The following ADK variants were observed in gnomAD, a reference collection of about 807,000 sequenced individuals.
The protein encoded by ADK is N6,N6-dimethyladenosine kinase.
In ADK, 24 loss-of-function variants were observed where a neutral mutation model predicts 44.7. That is an observed-to-expected ratio of 0.54 (90% CI 0.39 to 0.76). ADK has a LOEUF of 0.76. Ranked by LOEUF, ADK falls within the 30% of genes least tolerant of loss-of-function variation. ADK has a pLI of 0.00. For missense variants in ADK, 321 were observed against 425.1 expected (o/e 0.76, Z 2.15); for synonymous variants, 128 against 142.6 (o/e 0.90, Z 0.73).
At chr10:74,223,767 C>T (rs1395111189) in intron 2 of ADK, among the ~76,000 whole-genome samples, 1 of 152,008 alleles carries the variant, frequency 6.6e-6, no homozygotes, top group African/African-American at 2.4e-5. Flanking sequence ...CCTATGGTCA[C>T]TTAGCTAGTA....
intron 1 of ADK, among the ~76,000 whole-genome samples, chr10:74,187,257 G>C (rs1033855953): frequency 3.9e-5 from 6 of 151,918 alleles, no homozygotes; most frequent in African/African-American, 1.5e-4. Flanking sequence ...TATTATCACT[G>C]AATAATATTT....
intron 4 of ADK, among the ~76,000 whole-genome samples, chr10:74,362,400 T>G (rs547918161): frequency 6.6e-6 from 1 of 152,236 alleles, no homozygotes; most frequent in East Asian, 1.9e-4. Flanking sequence ...GATTTCTGGT[T>G]TTTTAAAAAA....
chr10:74,320,058 T>A (rs1335275466), intron 4 of ADK, among the ~76,000 whole-genome samples: 1 of 152,100 alleles, frequency 6.6e-6, no homozygotes, highest in Non-Finnish European at 1.5e-5. Flanking sequence ...TTTACCAGAG[T>A]TCTTTACTTC....
chr10:74,516,532 T>A (rs1759992934), intron 6 of ADK, among the ~76,000 whole-genome samples: 1 of 151,380 alleles, frequency 6.6e-6, no homozygotes, highest in Non-Finnish European at 1.5e-5. Context: ...TCTTTTCTTT[T>A]TTTTTTTTTG....
At chr10:74,467,248 TGAACAACATTTTAACACGTTGTTAC>T (rs1174521498) in intron 6 of ADK, among the ~76,000 whole-genome samples, 1 of 152,176 alleles carries the variant, frequency 6.6e-6, no homozygotes, top group Non-Finnish European at 1.5e-5. Context: ...TCTTACCTTT[TGAACAACATTTTAACACGTTGTTAC>T]TGGTGCAAGC....
intron 10 of ADK, among the ~76,000 whole-genome samples, chr10:74,699,832 C>A (rs1455818437): frequency 9.2e-5 from 14 of 152,160 alleles, no homozygotes; most frequent in Admixed American, 9.2e-4. Flanking sequence ...TAAAATTATA[C>A]TGAAATATTT....
intron 8 of ADK, among the ~76,000 whole-genome samples, chr10:74,591,312 A>G (rs1386499410): frequency 1.3e-5 from 2 of 152,200 alleles, no homozygotes; most frequent in Non-Finnish European, 2.9e-5. Context: ...TAATGATTAT[A>G]ATCACATACC....
At chr10:74,631,428 T>G (rs908239982) in intron 9 of ADK, among the ~76,000 whole-genome samples, 17 of 151,676 alleles carry the variant, frequency 1.1e-4, no homozygotes, top group East Asian at 9.7e-4. Context: ...GTTTTGTTTT[T>G]TTTTTTTTAG....
At chr10:74,262,323 A>C (rs913012432) in intron 3 of ADK, among the ~76,000 whole-genome samples, 5 of 151,884 alleles carry the variant, frequency 3.3e-5, no homozygotes, top group South Asian at 2.1e-4. Flanking sequence ...CAAAAAAAAA[A>C]AAAAAAACAA....
intron 10 of ADK, among the ~76,000 whole-genome samples, chr10:74,676,991 T>C (rs1233308096): frequency 2.0e-5 from 3 of 152,170 alleles, no homozygotes; most frequent in African/African-American, 7.2e-5. Context: ...ACACCTGTAA[T>C]CCCAGCACTT....
At chr10:74,487,680 T>G (rs1332469643) in intron 6 of ADK, among the ~76,000 whole-genome samples, 6 of 152,048 alleles carry the variant, frequency 3.9e-5, no homozygotes, top group Non-Finnish European at 1.5e-5. Context: ...TCACAAAGCT[T>G]GCTTATCAAA....
At chr10:74,558,460 T>C (rs1266909871) in intron 7 of ADK, among the ~76,000 whole-genome samples, 1 of 152,200 alleles carries the variant, frequency 6.6e-6, no homozygotes, top group Non-Finnish European at 1.5e-5. Context: ...GCTGTTCTCA[T>C]GACAGGAGTA....
chr10:74,440,374 G>C (rs1845358975), intron 6 of ADK, among the ~76,000 whole-genome samples: 1 of 152,060 alleles, frequency 6.6e-6, no homozygotes, highest in Non-Finnish European at 1.5e-5. Flanking sequence ...CTGGAACTCA[G>C]GTCCTCTAAT....
At chr10:74,215,716 A>C (rs545982007) in intron 2 of ADK, among the ~76,000 whole-genome samples, 1 of 143,710 alleles carries the variant, frequency 7.0e-6, no homozygotes, top group Non-Finnish European at 1.5e-5. Flanking sequence ...CCCAGGCTAG[A>C]GTGCAGTGGC....
chr10:74,591,390 A>G (rs1431777839), intron 8 of ADK, among the ~76,000 whole-genome samples: 1 of 152,196 alleles, frequency 6.6e-6, no homozygotes, highest in Non-Finnish European at 1.5e-5. Flanking sequence ...AGACTAAATA[A>G]AGCACATAGT....
intron 7 of ADK, among the ~76,000 whole-genome samples, chr10:74,572,332 C>T (rs1174870439): frequency 2.0e-5 from 3 of 152,186 alleles, no homozygotes; most frequent in African/African-American, 7.2e-5. Context: ...AATATTGGCC[C>T]CCACTCTCTT....
intron 9 of ADK, among the ~76,000 whole-genome samples, chr10:74,637,521 A>G (rs1021564792): frequency 1.3e-5 from 2 of 152,228 alleles, no homozygotes; most frequent in Admixed American, 6.5e-5. Flanking sequence ...ACCATCAGCT[A>G]TGCTGGAAGT....
At chr10:74,212,853 T>C (rs1047892150) in intron 2 of ADK, among the ~76,000 whole-genome samples, 21 of 144,704 alleles carry the variant, frequency 1.5e-4, no homozygotes, top group Non-Finnish European at 2.0e-4. Flanking sequence ...GTAATACTTT[T>C]CGTGTTATCA....
chr10:74,204,901 G>T (rs1288157572), intron 2 of ADK, among the ~76,000 whole-genome samples: 1 of 151,866 alleles, frequency 6.6e-6, no homozygotes, highest in East Asian at 1.9e-4. Flanking sequence ...TTAGCCAGGT[G>T]TGATGGCACG....
Sources: allele counts gnomAD v4.1 joint callset (sites outside exome capture counted in the v4.1 genomes callset), GRCh38; gene constraint gnomAD v4.1.1; transcripts MANE v1.5; gene names NCBI Gene and HGNC (gene_info 2026-07-23, HGNC 2026-07-21).